The following CSMD1 variants were observed in gnomAD, a reference collection of about 807,000 sequenced individuals.
CSMD1 encodes the protein CUB and Sushi multiple domains 1, also known as CUB and sushi domain-containing protein 1.
In CSMD1, 213 loss-of-function variants were observed where a neutral mutation model predicts 417.5. The observed-to-expected ratio is 0.51, with a 90% CI of 0.46 to 0.57. The LOEUF is 0.57. CSMD1 is among the 20% of genes least tolerant of loss of function. The probability of loss-of-function intolerance (pLI) is 0.00; values close to 1 mark genes in which losing one functional copy is unlikely to be tolerated. For missense variants in CSMD1, 6,923 were observed against 4,529.7 expected (o/e 1.53, Z -15.17); for synonymous variants, 2,862 against 1,736.8 (o/e 1.65, Z -16.11).
intron 23 of CSMD1, among the ~76,000 whole-genome samples, chr8:3,328,049 A>G (rs1385394216): frequency 6.6e-6 from 1 of 152,172 alleles, no homozygotes; most frequent in Non-Finnish European, 1.5e-5. Context: ...TGTCCGTCTA[A>G]AGCAGGTAAA....
chr8:4,425,068 C>T (rs1028025833), intron 2 of CSMD1, among the ~76,000 whole-genome samples: 5 of 151,824 alleles, frequency 3.3e-5, no homozygotes, highest in African/African-American at 9.7e-5. Context: ...AGTAATTGCC[C>T]ATCTTGAAGT....
At position 4,945,524 on chromosome 8, in the gene CSMD1, G is replaced by GA. The variant is rs34004775; in HGVS notation, c.85+48807dup. Among the ~76,000 whole-genome samples, 1,331 of 141,468 alleles carry GA rather than the reference G, an allele frequency of 9.4e-3. 16 individuals carry two copies. The highest frequency in any genetic ancestry group is 0.031 in the African/African-American group (1,201 of 38,340). 92.8% of individuals were successfully genotyped at this position (141,468 alleles called of 152,430 possible). A position where few individuals can be genotyped will look rare whatever the true frequency, so the allele number is the denominator to read the frequency against. On this transcript the variant is annotated intron_variant, in intron 1 of 69. Transcript: ENST00000635120. The stretch of plus-strand genomic sequence containing the variant: ...AACAAAATAAAAAGAGGAAGGACAT[G>GA]AAAAAAAAAAAAGTGGTACTCAGTA...
chr8:3,292,688 C>T (rs561080618), intron 25 of CSMD1, among the ~76,000 whole-genome samples: 4 of 152,130 alleles, frequency 2.6e-5, no homozygotes, highest in Non-Finnish European at 5.9e-5. Flanking sequence ...GGTAGATCTT[C>T]CTCCATCCTT....
intron 1 of CSMD1, among the ~76,000 whole-genome samples, chr8:4,772,413 C>A (rs903905087): frequency 2.6e-5 from 4 of 152,260 alleles, no homozygotes; most frequent in African/African-American, 7.2e-5. Context: ...CCCTGATAAT[C>A]CAGAATGATC....
rs373165517 is a variant in CSMD1, at chr8:3,205,719, T to C, written c.4868-99A>G. 4.1e-5 allele frequency: 21 copies of C among 509,066 alleles called. No individual in the cohort carries two copies. In the South Asian group the frequency reaches 6.1e-4, roughly 15 times the overall value. 31.5% of individuals were successfully genotyped at this position (509,066 alleles called of 1,614,324 possible). ...CACATCAAACACGTGAGCACGTTTA[T>C]TGAAAACTTGACAAAATAAGAAGTT... On this transcript the variant is annotated intron_variant, in intron 30 of 69. Coordinates refer to ENST00000635120, the MANE Select transcript of CSMD1 (RefSeq NM_033225.6).
At chr8:4,173,943 C>T (rs1022760366) in intron 3 of CSMD1, among the ~76,000 whole-genome samples, 1 of 152,048 alleles carries the variant, frequency 6.6e-6, no homozygotes, top group African/African-American at 2.4e-5. Context: ...CTTCCCTCAG[C>T]CTTGAAACAA....
intron 1 of CSMD1, among the ~76,000 whole-genome samples, chr8:4,709,238 T>G (rs142159054): frequency 6.6e-6 from 1 of 152,150 alleles, no homozygotes; most frequent in Non-Finnish European, 1.5e-5. Flanking sequence ...GCTACTCTTG[T>G]AGACTGGTGT....
chr8:3,762,641 A>G, intron 5 of CSMD1, among the ~76,000 whole-genome samples: 1 of 152,210 alleles, frequency 6.6e-6, no homozygotes, highest in East Asian at 1.9e-4. Context: ...TGGAAGGTAT[A>G]ATCGCCCTGC....
At chr8:4,523,478 TATG>T (rs1392285501) in intron 2 of CSMD1, among the ~76,000 whole-genome samples, 3 of 152,298 alleles carry the variant, frequency 2.0e-5, no homozygotes, top group East Asian at 1.9e-4. Flanking sequence ...ACACATATGT[TATG>T]ATAAGAGGAG....
chr8:3,669,535 G>C (rs1798878577), intron 7 of CSMD1, among the ~76,000 whole-genome samples: 2 of 152,162 alleles, frequency 1.3e-5, no homozygotes, highest in South Asian at 2.1e-4. Flanking sequence ...ATCTTGAATG[G>C]AGAAACCTCA....
At chr8:4,815,715 A>G in intron 1 of CSMD1, among the ~76,000 whole-genome samples, 1 of 151,110 alleles carries the variant, frequency 6.6e-6, no homozygotes, top group East Asian at 1.9e-4. Flanking sequence ...AAAAAAAAAA[A>G]AAAGAAGAGA....
At chr8:4,013,990 G>A (rs1318010217) in intron 4 of CSMD1, among the ~76,000 whole-genome samples, 1 of 152,076 alleles carries the variant, frequency 6.6e-6, no homozygotes, top group Non-Finnish European at 1.5e-5. Context: ...TTCCTTGGAA[G>A]AAAGAATTAA....
intron 50 of CSMD1, among the ~76,000 whole-genome samples, chr8:3,044,255 A>G (rs1045786368): frequency 6.6e-6 from 1 of 152,188 alleles, no homozygotes; most frequent in Admixed American, 6.5e-5. Flanking sequence ...TCAATGCCAA[A>G]TGTTGGGTAA....
At chr8:3,496,452 G>C (rs577082790) in intron 10 of CSMD1, among the ~76,000 whole-genome samples, 1 of 152,194 alleles carries the variant, frequency 6.6e-6, no homozygotes, top group South Asian at 2.1e-4. Flanking sequence ...CACAGAGCTA[G>C]GAGTGTTTAT....
chr8:4,135,103 T>C (rs1647349), intron 3 of CSMD1, among the ~76,000 whole-genome samples: 150,939 of 152,256 alleles, frequency 0.99, 74,834 homozygotes, highest in Middle Eastern at 1. Context: ...CCATAATAAA[T>C]AATTGCATAA....
chr8:3,157,956 T>G lies in CSMD1; in HGVS notation c.5855A>C (p.His1952Pro). The change falls in exon 39 of 70, where the codon CAC (histidine) becomes CCC (proline). Residue 1952 changes from histidine to proline, a missense_variant. Coordinates refer to ENST00000635120, the MANE Select transcript of CSMD1 (RefSeq NM_033225.6). ...AACGGTCCCTGGCATACAGGAAATGTGGGAACGGCCCTGTTTAAAAGAAAA... is the reference window on the plus strand; with the variant it reads ...AACGGTCCCTGGCATACAGGAAATGGGGGAACGGCCCTGTTTAAAAGAAAA... ...EPGYTLQGRS[H>P]ISCMPGTVRR... 8 of 1,554,012 alleles carry G rather than the reference T, an allele frequency of 5.1e-6. No individual in the cohort carries two copies. Among genetic ancestry groups the G allele is most frequent in the Non-Finnish European group, 7.0e-6 (8 of 1,148,264 alleles).
chr8:3,142,718 G>C (rs61664876), intron 40 of CSMD1, 44 bp from the exon 41 acceptor site: 4 of 1,453,604 alleles, frequency 2.8e-6, no homozygotes, highest in Non-Finnish European at 3.9e-6. Flanking sequence ...ATATCAAAAT[G>C]TATAAAATCA....
At chr8:4,476,980 A>G (rs1800835043) in intron 2 of CSMD1, among the ~76,000 whole-genome samples, 2 of 152,326 alleles carry the variant, frequency 1.3e-5, no homozygotes, top group Admixed American at 1.3e-4. Context: ...CTGAATGCCA[A>G]TTGCTGGCTG....
intron 1 of CSMD1, among the ~76,000 whole-genome samples, chr8:4,947,717 G>A (rs1165680975): frequency 6.6e-6 from 1 of 152,014 alleles, no homozygotes; most frequent in Non-Finnish European, 1.5e-5. Context: ...TTTGTCTAAA[G>A]TTTGTAGCTG....
Sources: allele counts gnomAD v4.1 joint callset (sites outside exome capture counted in the v4.1 genomes callset), GRCh38; gene constraint gnomAD v4.1.1; transcripts MANE v1.5; gene names NCBI Gene and HGNC (gene_info 2026-07-23, HGNC 2026-07-21).